Variants in DHX29 observed in about 807,000 individuals in gnomAD.
DHX29 encodes ATP-dependent RNA helicase DHX29.
Under a neutral mutation model 167.9 loss-of-function variants are expected in DHX29, and 79 were observed. The ratio of observed to expected loss-of-function variants is 0.47; its 90% confidence interval spans 0.39 to 0.57. DHX29 has a LOEUF of 0.57. Among genes scored for constraint, DHX29 ranks in the 20% least tolerant of loss-of-function variants. DHX29 has a pLI of 0.00. For missense variants in DHX29, 1,347 were observed against 1,593.4 expected (o/e 0.85, Z 2.63); for synonymous variants, 530 against 546.0 (o/e 0.97, Z 0.41).
chr5:55,267,616 A>T (rs1369913182), intron 22 of DHX29, 70 bp downstream of exon 22: 2 of 1,372,764 alleles, frequency 1.5e-6, no homozygotes, highest in South Asian at 1.6e-5. Flanking sequence ...AATAAGTCAA[A>T]GGTAATATAT....
chr5:55,263,057 G>A (rs1746387009), intron 23 of DHX29, 125 bp from the exon 24 acceptor site: 10 of 712,642 alleles, frequency 1.4e-5, no homozygotes, highest in Middle Eastern at 3.8e-4. Context: ...TTTGGCTAAC[G>A]ATAGCCCAAA....
chr5:55,288,125 C>T (rs1165065787), intron 8 of DHX29, among the ~76,000 whole-genome samples: 2 of 151,800 alleles, frequency 1.3e-5, no homozygotes, highest in East Asian at 1.9e-4. Context: ...TGCCTGTAAT[C>T]CCAGCTACTT....
intron 16 of DHX29, 120 bp downstream of exon 16, chr5:55,274,494 C>T: frequency 1.4e-6 from 1 of 691,410 alleles, no homozygotes; most frequent in East Asian, 3.0e-5. Context: ...AATCTTACTT[C>T]CCCATAGGTA....
At chr5:55,287,157 T>C (rs7712176) in intron 8 of DHX29, among the ~76,000 whole-genome samples, 19,451 of 152,188 alleles carry the variant, frequency 0.13, 1,455 homozygotes, top group East Asian at 0.26. Context: ...TAAATACTAC[T>C]GAGGCCAGGC....
intron 18 of DHX29, 97 bp from the exon 19 acceptor site, chr5:55,270,803 C>CTT: frequency 1.2e-6 from 1 of 868,370 alleles, no homozygotes. Flanking sequence ...TAAACACAGG[C>CTT]TTAAAAAATC....
chr5:55,281,101 T>C lies in DHX29; in HGVS notation c.2109+271A>G, dbSNP rs181019621. On this transcript the variant is annotated intron_variant, in intron 12 of 26. Transcript: ENST00000251636. ...CACACGCTATATATAACCCTTTGAA[T>C]AGCAATATATATATGTACACACACA... Among the ~76,000 whole-genome samples the C allele has an allele frequency of 1.3e-3, 203 of 150,592 alleles. 2 individuals are homozygous for C. The Middle Eastern group carries it at 0.024, about 18-fold the overall frequency.
At chr5:55,270,313 G>A in intron 20 of DHX29, 99 bp downstream of exon 20, 1 of 1,340,702 alleles carries the variant, frequency 7.5e-7, no homozygotes, top group Non-Finnish European at 1.0e-6. Context: ...TAAAAAAGTT[G>A]AAAATCTAAA....
chr5:55,294,092 T>C lies in DHX29; in HGVS notation c.705A>G (p.Arg235=). The change falls in exon 6 of 27, where the codon CGA becomes CGG. Residue 235 remains arginine (R), a synonymous_variant. Transcript: ENST00000251636. ...MEVNMKEWIL[R]YAEQQNEEEK... is the part of the protein sequence containing the mutation. ...CTTCTTCATTTTGTTGTTCAGCATA[T>C]CGTAAAATCCACTCTTTCATATTTA... is the stretch of plus-strand genomic sequence containing the variant. 1 of 1,606,828 alleles carries C rather than the reference T, an allele frequency of 6.2e-7. No homozygotes were observed.
chr5:55,288,190 CTGAGA>C (rs1393929768), intron 8 of DHX29, among the ~76,000 whole-genome samples: 2 of 151,896 alleles, frequency 1.3e-5, no homozygotes, highest in African/African-American at 2.4e-5. Flanking sequence ...TTGCAGTGAG[CTGAGA>C]TAATGCCATT....
intron 13 of DHX29, 114 bp from the exon 14 acceptor site, chr5:55,276,520 A>G: frequency 1.2e-6 from 1 of 835,780 alleles, no homozygotes; most frequent in South Asian, 1.9e-5. Flanking sequence ...AATTTAGAAT[A>G]TTATGAAAAA....
At position 55,273,307 on chromosome 5, in the gene DHX29, G is replaced by A. The variant is rs763673603; in HGVS notation, c.2761C>T (p.Pro921Ser). The A allele has an allele frequency of 1.4e-5, 23 of 1,597,504 alleles. No homozygotes were observed. In the South Asian group the frequency reaches 2.6e-4, roughly 18 times the overall value. The change falls in exon 17 of 27, where the codon CCA (proline) becomes TCA (serine). Residue 921 changes from proline to serine, a missense_variant. Pro to Ser is a moderately conservative substitution (Grantham distance 74). Coordinates refer to ENST00000251636, the MANE Select transcript of DHX29 (RefSeq NM_019030.4). ...CTAAATTTTACCTTCCTGACTCCTG[G>A]AGGGGGAAGTGTGAATGCTGCAGCT... is the stretch of plus-strand genomic sequence containing the variant. Reference protein sequence around the residue: ...DQAAAFTLPPPGVRKIVLATN... With the variant: ...DQAAAFTLPPSGVRKIVLATN...
intron 10 of DHX29, among the ~76,000 whole-genome samples, chr5:55,285,084 A>G (rs1402189095): frequency 6.6e-6 from 1 of 152,234 alleles, no homozygotes; most frequent in Non-Finnish European, 1.5e-5. Flanking sequence ...AAATTAGCAT[A>G]GCTCCAAAAG....
In DHX29 at chr5:55,274,936, C is replaced by A. The variant is rs758505240; in HGVS notation, c.2502G>T (p.Gln834His). 61 of 1,613,846 alleles carry A rather than the reference C, an allele frequency of 3.8e-5. No individual in the cohort carries two copies. Among genetic ancestry groups the A allele is most frequent in the Non-Finnish European group, 5.2e-5 (61 of 1,179,906 alleles). ...PFYQKYSSRT[Q>H]HAILYMNPHK... Reference sequence around the variant, plus strand: ...GAGGATTCATGTATAGAATAGCATGCTGAGTGCGGCTGCTGTACTTTTGGT... The same window carrying A: ...GAGGATTCATGTATAGAATAGCATGATGAGTGCGGCTGCTGTACTTTTGGT... The change falls in exon 15 of 27, where the codon CAG becomes CAT. Residue 834 changes from glutamine (Q) to histidine (H), a missense_variant. Gln to His is a conservative substitution (Grantham distance 24). Coordinates refer to ENST00000251636, the MANE Select transcript of DHX29 (RefSeq NM_019030.4).
At chr5:55,287,855 A>G (rs1747819092) in intron 8 of DHX29, among the ~76,000 whole-genome samples, 1 of 151,490 alleles carries the variant, frequency 6.6e-6, no homozygotes, top group African/African-American at 2.4e-5. Context: ...AGCCTGAGGC[A>G]GGAGAATTGC....
intron 8 of DHX29, 35 bp downstream of exon 8, chr5:55,289,235 C>T (rs1230840241): frequency 6.7e-7 from 1 of 1,490,530 alleles, no homozygotes; most frequent in African/African-American, 1.4e-5. Context: ...TTATTATTTA[C>T]AAATTACACC....
chr5:55,267,369 C>A lies in DHX29; in HGVS notation c.3432-138G>T, dbSNP rs1445022230. 46 of 644,140 alleles carry A rather than the reference C, an allele frequency of 7.1e-5. No individual in the cohort carries two copies. In the Admixed American group the frequency reaches 1.4e-3, roughly 20 times the overall value. The allele number at this position is 644,140 out of a possible 1,614,324, so 39.9% of individuals were successfully genotyped here. A position where few individuals can be genotyped will look rare whatever the true frequency, so the allele number is the denominator to read the frequency against. On this transcript the variant is annotated intron_variant, in intron 22 of 26. Coordinates refer to ENST00000251636, the MANE Select transcript of DHX29 (RefSeq NM_019030.4). Reference sequence around the variant, plus strand: ...GGAGGGATCTTGCTTGTAGCAGCTACCAATTGTATATAAGAATATTATTAA... The same window carrying A: ...GGAGGGATCTTGCTTGTAGCAGCTAACAATTGTATATAAGAATATTATTAA...
intron 10 of DHX29, among the ~76,000 whole-genome samples, chr5:55,284,956 GCTTCAGTGAGCT>G (rs2111902912): frequency 6.6e-6 from 1 of 152,196 alleles, no homozygotes; most frequent in Non-Finnish European, 1.5e-5. Flanking sequence ...ATCACTTGAG[GCTTCAGTGAGCT>G]ATGACTCTGC....
intron 6 of DHX29, among the ~76,000 whole-genome samples, chr5:55,292,140 A>G (rs1748079369): frequency 6.6e-6 from 1 of 152,148 alleles, no homozygotes. Flanking sequence ...ATTCCCACCA[A>G]CAGTACACAG....
chr5:55,293,312 A>G (rs1223790282), intron 6 of DHX29, among the ~76,000 whole-genome samples: 2 of 152,222 alleles, frequency 1.3e-5, no homozygotes, highest in Non-Finnish European at 2.9e-5. Context: ...GTTGGGTCAC[A>G]TGACAAGTAT....
Sources: allele counts gnomAD v4.1 joint callset (sites outside exome capture counted in the v4.1 genomes callset), GRCh38; gene constraint gnomAD v4.1.1; transcripts MANE v1.5; gene names NCBI Gene and HGNC (gene_info 2026-07-23, HGNC 2026-07-21).